Variants in SEPTIN9 observed in about 807,000 individuals in gnomAD.
The protein encoded by SEPTIN9 is septin 9.
A neutral mutation model predicts 56.6 loss-of-function variants in SEPTIN9; 13 were observed. The observed-to-expected ratio is 0.23, with a 90% CI of 0.15 to 0.37. SEPTIN9 has a LOEUF of 0.37. Ranked by LOEUF, SEPTIN9 falls within the 10% of genes least tolerant of loss-of-function variation. SEPTIN9 has a pLI of 1.00. For synonymous variants in SEPTIN9, 332 were observed against 334.1 expected, an observed-to-expected ratio of 0.99 and a Z score of 0.07; for missense variants, 650 against 823.1, an observed-to-expected ratio of 0.79 and a Z score of 2.57.
At chr17:77,478,051 A>G (rs1482373220) in intron 3 of SEPTIN9, among the ~76,000 whole-genome samples, 1 of 151,920 alleles carries the variant, frequency 6.6e-6, no homozygotes, top group Admixed American at 6.6e-5. Context: ...TCATACAAGC[A>G]GGAGTGTGAA....
At chr17:77,368,277 A>G (rs1005778710) in intron 2 of SEPTIN9, among the ~76,000 whole-genome samples, 1 of 152,050 alleles carries the variant, frequency 6.6e-6, no homozygotes, top group African/African-American at 2.4e-5. Flanking sequence ...CTAACATGGA[A>G]ACTTGGTTAA....
intron 2 of SEPTIN9, among the ~76,000 whole-genome samples, chr17:77,334,219 A>C (rs951908737): frequency 1.3e-5 from 2 of 151,806 alleles, no homozygotes; most frequent in Non-Finnish European, 2.9e-5. Context: ...TCAGGAGATC[A>C]AGACCATCCT....
chr17:77,398,457 G>T (rs1338752551), intron 2 of SEPTIN9, among the ~76,000 whole-genome samples: 1 of 152,186 alleles, frequency 6.6e-6, no homozygotes, highest in East Asian at 1.9e-4. Context: ...AGCTCCCCGG[G>T]AAGGGGGCTG....
intron 1 of SEPTIN9, among the ~76,000 whole-genome samples, chr17:77,292,481 A>C (rs1598472880): frequency 6.8e-6 from 1 of 147,468 alleles, no homozygotes; most frequent in Non-Finnish European, 1.5e-5. Context: ...TGGAGTCTGC[A>C]GTTTTTTGTT....
intron 2 of SEPTIN9, among the ~76,000 whole-genome samples, chr17:77,392,462 A>G (rs1484937051): frequency 1.3e-5 from 2 of 152,170 alleles, no homozygotes; most frequent in Non-Finnish European, 2.9e-5. Context: ...GTCCAGAGGT[A>G]CTGTGGATGA....
rs755605766 is a variant in SEPTIN9 at position 77,327,894 on chromosome 17, G to A, written c.76+20697G>A. 3.9e-5 allele frequency among the ~76,000 whole-genome samples: 6 copies of A among 152,218 alleles called. No homozygotes were observed. The highest frequency in any genetic ancestry group is 6.5e-5 in the Admixed American group (1 of 15,286). ...GAACAGACGGGTGTGATGGGGCTGCGGGGTTTCAGGTGGCAGGAGGCGTCC... is the reference window on the plus strand; with the variant it reads ...GAACAGACGGGTGTGATGGGGCTGCAGGGTTTCAGGTGGCAGGAGGCGTCC... On this transcript the variant is annotated intron_variant, in intron 2 of 11. Coordinates refer to ENST00000427177, the MANE Select transcript of SEPTIN9 (RefSeq NM_001113491.2). The surrounding 1 kb of genome is among the most constrained non-coding windows in gnomAD (Gnocchi z 5.0).
At chr17:77,493,270 C>T in intron 10 of SEPTIN9, 194 bp downstream of exon 10, 1 of 594,670 alleles carries the variant, frequency 1.7e-6, no homozygotes, top group Non-Finnish European at 3.0e-6. Flanking sequence ...TGTGCAGATG[C>T]CTCCACCCCA....
chr17:77,297,980 C>G (rs1421105244), intron 1 of SEPTIN9, among the ~76,000 whole-genome samples: 1 of 152,106 alleles, frequency 6.6e-6, no homozygotes, highest in Non-Finnish European at 1.5e-5. Context: ...TTGGTGCATT[C>G]CAGGAACAGC....
At chr17:77,419,994 G>T (rs572675656) in intron 3 of SEPTIN9, 1 of 152,348 alleles carries the variant, frequency 6.6e-6, no homozygotes, top group Non-Finnish European at 1.5e-5. Context: ...TCCGTGGTTG[G>T]GGGGAGGGCG....
intron 10 of SEPTIN9, among the ~76,000 whole-genome samples, chr17:77,493,902 A>G (rs2040146486): frequency 6.6e-6 from 1 of 151,484 alleles, no homozygotes; most frequent in Non-Finnish European, 1.5e-5. Flanking sequence ...CCTCCCGAGT[A>G]TCTGGGATTA....
At chr17:77,365,427 C>T (rs974973946) in intron 2 of SEPTIN9, among the ~76,000 whole-genome samples, 2 of 151,782 alleles carry the variant, frequency 1.3e-5, no homozygotes, top group Non-Finnish European at 2.9e-5. Context: ...CTCTTTCCCC[C>T]TTTCTCTGTC....
At chr17:77,312,875 C>A (rs1205370126) in intron 2 of SEPTIN9, among the ~76,000 whole-genome samples, 1 of 152,130 alleles carries the variant, frequency 6.6e-6, no homozygotes, top group Non-Finnish European at 1.5e-5. Context: ...AACATAAATG[C>A]GAAACTCTTT....
intron 3 of SEPTIN9, among the ~76,000 whole-genome samples, chr17:77,468,441 C>T (rs908278153): frequency 2.0e-5 from 3 of 152,080 alleles, no homozygotes; most frequent in Non-Finnish European, 4.4e-5. Flanking sequence ...AGAGGCTGTG[C>T]GTGGATGGAA....
chr17:77,342,601 A>G (rs2033768468), intron 2 of SEPTIN9, among the ~76,000 whole-genome samples: 1 of 152,220 alleles, frequency 6.6e-6, no homozygotes, highest in Non-Finnish European at 1.5e-5. Context: ...AACTTGTAAT[A>G]TAAAGTGTTC....
At chr17:77,316,838 C>T (rs2032730290) in intron 2 of SEPTIN9, among the ~76,000 whole-genome samples, 1 of 152,096 alleles carries the variant, frequency 6.6e-6, no homozygotes, top group African/African-American at 2.4e-5. Context: ...TCCCAAAGTG[C>T]TGAGATTACA....
chr17:77,488,627 A>T, intron 6 of SEPTIN9, 100 bp from the exon 7 acceptor site: 3 of 1,519,414 alleles, frequency 2.0e-6, no homozygotes, highest in Non-Finnish European at 2.7e-6. Flanking sequence ...CATGCATTTC[A>T]TTGGAAGGTG....
intron 2 of SEPTIN9, among the ~76,000 whole-genome samples, chr17:77,354,697 G>A (rs916790990): frequency 2.0e-5 from 3 of 152,136 alleles, no homozygotes; most frequent in Non-Finnish European, 4.4e-5. Flanking sequence ...GGGGGCCAGC[G>A]TCCTCCTGAG....
At chr17:77,488,504 T>C (rs770523972) in intron 6 of SEPTIN9, among the ~76,000 whole-genome samples, 183 bp downstream of exon 6, 1 of 152,184 alleles carries the variant, frequency 6.6e-6, no homozygotes, top group Non-Finnish European at 1.5e-5. Context: ...CAGAATTACC[T>C]GGGGAATCTT....
chr17:77,315,946 C>T (rs995975180), intron 2 of SEPTIN9, among the ~76,000 whole-genome samples: 5 of 152,196 alleles, frequency 3.3e-5, no homozygotes, highest in Non-Finnish European at 5.9e-5. Flanking sequence ...GAGCTGGGCT[C>T]ATAGGCTGGC....
Sources: gnomAD v4.1 joint callset for allele counts (sites outside exome capture counted in the v4.1 genomes callset) on GRCh38, gnomAD v4.1.1 for gene constraint, Gnocchi (gnomAD v3.1) non-coding constraint, MANE v1.5 for transcripts, NCBI Gene and HGNC (gene_info 2026-07-23, HGNC 2026-07-21) for gene names.